The following COL18A1 variants were observed in gnomAD, a reference collection of about 807,000 sequenced individuals.
The protein encoded by COL18A1 is collagen type XVIII alpha 1 chain.
COL18A1 carries 133 observed loss-of-function variants against 168.0 expected under a neutral mutation model. The ratio of observed to expected loss-of-function variants is 0.79; its 90% CI spans 0.69 to 0.91. The LOEUF (loss-of-function observed/expected upper bound fraction) is 0.91, where lower values mean the gene tolerates loss of function less well. Ranked by LOEUF, COL18A1 falls within the 40% of genes least tolerant of loss-of-function variation. The pLI is 0.00. For synonymous variants in COL18A1, 949 were observed against 809.0 expected, an observed-to-expected ratio of 1.17 and a Z score of -2.94; for missense variants, 2,126 against 1,925.4, an observed-to-expected ratio of 1.10 and a Z score of -1.95.
Position 45,505,402 on chromosome 21 carries a change from C to G in COL18A1, c.3058C>G (p.Pro1020Ala), listed in dbSNP as rs1370299892. The change falls in exon 36 of 42, where the codon CCC becomes GCC. Residue 1020 changes from proline to alanine, a missense_variant. By Grantham distance (27) the Pro-to-Ala change is conservative. Transcript: ENST00000651438. Reference protein sequence around the residue: ...GPPGPPGPPGPPGTMGASSGV... With the variant: ...GPPGPPGPPGAPGTMGASSGV... ...TCCGGGCCCCCCTGGGCCCCCTGGG[C>G]CCCCTGGAACCATGGGCGCCTCCTC... 8 of 1,577,982 alleles carry G rather than the reference C, an allele frequency of 5.1e-6. No individual in the cohort carries two copies. Among genetic ancestry groups the G allele is most frequent in the Non-Finnish European group, 6.9e-6 (8 of 1,153,722 alleles).
At chr21:45,494,210 G>A (rs2036454620) in intron 26 of COL18A1, 1 of 511,920 alleles carries the variant, frequency 2.0e-6, no homozygotes, top group Admixed American at 3.2e-5. Context: ...ATTGGAGCTG[G>A]GGCCTGTGGC....
intron 7 of COL18A1, 40 bp from the exon 8 acceptor site, chr21:45,477,710 C>T: frequency 6.7e-7 from 1 of 1,498,858 alleles, no homozygotes; most frequent in Non-Finnish European, 8.9e-7. Flanking sequence ...GTGTGTGGGG[C>T]CCCACCCCAG....
chr21:45,443,028 G>C lies in COL18A1; in HGVS notation c.107-25214G>C, dbSNP rs1253785782. Reference sequence around the variant, plus strand: ...CGGTGCTGATGTGGGTGGTGGTGGTGCTGATGTGGGCGGCGGTGCTGGTGT... The same window carrying C: ...CGGTGCTGATGTGGGTGGTGGTGGTCCTGATGTGGGCGGCGGTGCTGGTGT... On this transcript the variant is annotated intron_variant, in intron 2 of 41. Coordinates refer to ENST00000651438, the MANE Select transcript of COL18A1 (RefSeq NM_001379500.1). This position sits in a 1 kb window ranked among gnomAD's most constrained non-coding sequence, Gnocchi z 5.2. Among the ~76,000 whole-genome samples the C allele has an allele frequency of 5.6e-5, 8 of 142,234 alleles. No individual in the cohort carries two copies. Among genetic ancestry groups the C allele is most frequent in the African/African-American group, 2.3e-4 (8 of 35,172 alleles). The allele number at this position is 142,234 out of a possible 152,430, so 93.3% of individuals were successfully genotyped here. A position where few individuals can be genotyped will look rare whatever the true frequency, so the allele number is the denominator to read the frequency against.
chr21:45,470,775 C>T (rs1312164699), intron 3 of COL18A1, among the ~76,000 whole-genome samples: 1 of 152,226 alleles, frequency 6.6e-6, no homozygotes. Flanking sequence ...GCGTGAGCCA[C>T]TGCACCCAGC....
At position 45,512,800 on chromosome 21, in the gene COL18A1, A is replaced by G. The variant is rs895591625; in HGVS notation, c.*402A>G. On this transcript the variant is annotated 3_prime_UTR_variant, in exon 42 of 42. Coordinates refer to ENST00000651438, the MANE Select transcript of COL18A1 (RefSeq NM_001379500.1). ...ACCTAGCAGCACCGTTCTGTGCACA[A>G]AACCCAGACCTGTTAGCAGACAGGC... 3.2e-6 allele frequency: 1 copy of G among 315,214 alleles called. No individual in the cohort carries two copies. Among genetic ancestry groups the G allele is most frequent in the African/African-American group, 2.2e-5 (1 of 46,198 alleles). 19.5% of individuals were successfully genotyped at this position (315,214 alleles called of 1,614,324 possible).
At chr21:45,412,951 G>A (rs2033341822) in intron 2 of COL18A1, among the ~76,000 whole-genome samples, 1 of 152,206 alleles carries the variant, frequency 6.6e-6, no homozygotes, top group Non-Finnish European at 1.5e-5. Context: ...CTGAGTGTGT[G>A]TGGCCACGGG....
At chr21:45,495,678 A>C in intron 29 of COL18A1, 1 of 504,040 alleles carries the variant, frequency 2.0e-6, no homozygotes, top group Non-Finnish European at 3.7e-6. Context: ...ATACACATGC[A>C]TCTATGCACA....
At position 45,457,341 on chromosome 21, in the gene COL18A1, C is replaced by T. The variant is rs1195998120; in HGVS notation, c.107-10901C>T. On this transcript the variant is annotated intron_variant, in intron 2 of 41. Transcript: ENST00000651438. This position sits in a 1 kb window ranked among gnomAD's most constrained non-coding sequence, Gnocchi z 4.6. ...CCTGGGAGCCCCAGCGTGCTCGGGC[C>T]AAGGGTGCTGCCGCGTGGGCAGTGC... 2.0e-5 allele frequency among the ~76,000 whole-genome samples: 3 copies of T among 152,200 alleles called. No homozygotes were observed. Among genetic ancestry groups the T allele is most frequent in the African/African-American group, 7.2e-5 (3 of 41,450 alleles).
At chr21:45,502,651 G>A (rs1315286152) in intron 32 of COL18A1, 3 of 152,188 alleles carry the variant, frequency 2.0e-5, no homozygotes, top group Non-Finnish European at 4.4e-5. Flanking sequence ...GAGAGAAGCA[G>A]CAACAAGCAG....
rs536805595 is a variant in COL18A1, at chr21:45,497,454, C to G, written c.2621-145C>G. On this transcript the variant is annotated intron_variant, in intron 31 of 41. Transcript: ENST00000651438. ...GACCCAGGGCGCCCCTGCTCTCCAG[C>G]AGCTCCTACCCTGACTGTCCCCATG... 5.2e-6 allele frequency: 6 copies of G among 1,159,604 alleles called. No individual in the cohort carries two copies. In the African/African-American group the frequency reaches 9.1e-5, roughly 18 times the overall value. 71.8% of individuals were successfully genotyped at this position (1,159,604 alleles called of 1,614,324 possible). A position where few individuals can be genotyped will look rare whatever the true frequency, so the allele number is the denominator to read the frequency against.
In COL18A1 at chr21:45,476,377, C is replaced by G; in HGVS notation, c.825C>G (p.Pro275=). 1 of 1,614,096 alleles carries G rather than the reference C, an allele frequency of 6.2e-7. No homozygotes were observed. The highest frequency in any genetic ancestry group is 8.5e-7 in the Non-Finnish European group (1 of 1,180,016). ...GCGCGGCCCTAAAACCCAGGCTCCC[C>G]GCGCCACCCCCCGTCACCACGCCAC... ...ETGAALKPRL[P]APPPVTTPPL... is the part of the protein sequence containing the mutation. Residue 275 remains proline (P), a synonymous_variant, in exon 6 of 42, where the codon CCC becomes CCG. Transcript: ENST00000651438.
chr21:45,436,940 G>C (rs184064343), intron 2 of COL18A1, among the ~76,000 whole-genome samples: 1 of 151,732 alleles, frequency 6.6e-6, no homozygotes, highest in South Asian at 2.1e-4. Flanking sequence ...GCCGGGCTGC[G>C]CGGGGCCCTG....
chr21:45,456,716 C>A, intron 2 of COL18A1: 1 of 1,533,808 alleles, frequency 6.5e-7, no homozygotes. Context: ...GCTGGTCCCC[C>A]CATGCGGCAG....
chr21:45,477,384 C>A, intron 6 of COL18A1, 27 bp from the exon 7 acceptor site: 1 of 1,598,506 alleles, frequency 6.3e-7, no homozygotes, highest in Non-Finnish European at 8.5e-7. Context: ...GGGGCGTGAC[C>A]GTGGCCACCT....
At chr21:45,453,375 G>A (rs114924395) in intron 2 of COL18A1, among the ~76,000 whole-genome samples, 217 of 152,256 alleles carry the variant, frequency 1.4e-3, no homozygotes, top group African/African-American at 5.0e-3. Context: ...GAGCAGGAGT[G>A]AGCATACATA....
At chr21:45,433,876 C>T (rs1395356545) in intron 2 of COL18A1, among the ~76,000 whole-genome samples, 3 of 152,194 alleles carry the variant, frequency 2.0e-5, no homozygotes, top group African/African-American at 7.2e-5. Flanking sequence ...CTGAGGGGCA[C>T]TGAGCAGGTG....
At chr21:45,416,143 G>A (rs1602336888) in intron 2 of COL18A1, among the ~76,000 whole-genome samples, 1 of 152,190 alleles carries the variant, frequency 6.6e-6, no homozygotes, top group African/African-American at 2.4e-5. Context: ...TGTGAATCAC[G>A]CCTCTCATTG....
chr21:45,452,341 A>C (rs538190132), intron 2 of COL18A1, among the ~76,000 whole-genome samples: 1 of 149,756 alleles, frequency 6.7e-6, no homozygotes, highest in Non-Finnish European at 1.5e-5. Context: ...CTGAGCATGC[A>C]TATGCACTCT....
chr21:45,417,261 G>A (rs1439730659), intron 2 of COL18A1, among the ~76,000 whole-genome samples: 1 of 152,180 alleles, frequency 6.6e-6, no homozygotes, highest in Admixed American at 6.5e-5. Flanking sequence ...TGGCTTGTCA[G>A]GGCCTTGTGG....
Sources: allele counts gnomAD v4.1 joint callset (sites outside exome capture counted in the v4.1 genomes callset), GRCh38; gene constraint gnomAD v4.1.1; non-coding constraint Gnocchi (gnomAD v3.1); transcripts MANE v1.5; gene names NCBI Gene and HGNC (gene_info 2026-07-23, HGNC 2026-07-21).